CSGALNACT1: variants seen among roughly 807,000 people sequenced by gnomAD.
The protein encoded by CSGALNACT1 is beta4GalNAcT-1.
In CSGALNACT1, 52 loss-of-function variants were observed where a neutral mutation model predicts 51.0. That is an observed-to-expected ratio of 1.02 (90% confidence interval 0.82 to 1.29). The LOEUF is 1.29. CSGALNACT1 is among the 50% of genes most tolerant of loss of function. CSGALNACT1 has a pLI of 0.00. For missense variants in CSGALNACT1, 935 were observed against 679.2 expected (o/e 1.38, Z -4.19); for synonymous variants, 341 against 254.4 (o/e 1.34, Z -3.24).
intron 1 of CSGALNACT1, among the ~76,000 whole-genome samples, chr8:19,628,170 T>C (rs1165221891): frequency 1.3e-5 from 2 of 152,222 alleles, no homozygotes; most frequent in Non-Finnish European, 2.9e-5. Context: ...CTCACACTGC[T>C]ATAAAGATAC....
chr8:19,706,413 G>C (rs1271691792), intron 1 of CSGALNACT1, among the ~76,000 whole-genome samples: 1 of 152,174 alleles, frequency 6.6e-6, no homozygotes, highest in Admixed American at 6.5e-5. Flanking sequence ...AAACCTAAGA[G>C]AGCAGTGGAG....
At chr8:19,468,280 C>A (rs2067190800) in intron 4 of CSGALNACT1, among the ~76,000 whole-genome samples, 1 of 152,148 alleles carries the variant, frequency 6.6e-6, no homozygotes, top group Admixed American at 6.5e-5. Context: ...GTAAGAAAAA[C>A]CAGCTTGTTA....
intron 4 of CSGALNACT1, among the ~76,000 whole-genome samples, chr8:19,494,065 AC>A (rs1222056010): frequency 6.6e-6 from 1 of 152,238 alleles, no homozygotes; most frequent in African/African-American, 2.4e-5. Context: ...AAAATGGTCA[AC>A]AAACCATTGA....
intron 1 of CSGALNACT1, among the ~76,000 whole-genome samples, chr8:19,712,409 G>C (rs997007525): frequency 1.9e-4 from 29 of 152,164 alleles, no homozygotes; most frequent in African/African-American, 7.0e-4. Flanking sequence ...GAAGTACCTA[G>C]AGATTTTAGC....
intron 4 of CSGALNACT1, among the ~76,000 whole-genome samples, chr8:19,497,287 A>G (rs978539111): frequency 1.3e-5 from 2 of 152,210 alleles, no homozygotes; most frequent in Non-Finnish European, 2.9e-5. Context: ...CCTTCTCTGA[A>G]ATACAGAGCA....
intron 3 of CSGALNACT1, among the ~76,000 whole-genome samples, chr8:19,567,675 A>T (rs1431507503): frequency 2.0e-5 from 3 of 152,252 alleles, no homozygotes; most frequent in Non-Finnish European, 4.4e-5. Context: ...GAATTAGAAA[A>T]GACAAAATTA....
chr8:19,405,572 G>A, exon 10 of CSGALNACT1: 1 of 712,750 alleles, frequency 1.4e-6, no homozygotes, highest in Non-Finnish European at 2.5e-6. Context: ...ACTTCACAGG[G>A]TGCAACTGGG....
chr8:19,428,884 CTGTG>C (rs1490286698), intron 6 of CSGALNACT1, among the ~76,000 whole-genome samples: 5 of 141,030 alleles, frequency 3.5e-5, no homozygotes, highest in Non-Finnish European at 4.6e-5. Context: ...TGTATGCATG[CTGTG>C]TATTTATATG....
chr8:19,510,942 T>C (rs1247457465), intron 3 of CSGALNACT1, among the ~76,000 whole-genome samples: 1 of 152,230 alleles, frequency 6.6e-6, no homozygotes, highest in Non-Finnish European at 1.5e-5. Context: ...TGCTCTCAGT[T>C]TGAGTGTAAG....
At chr8:19,446,991 G>GT (rs1705424198) in intron 5 of CSGALNACT1, among the ~76,000 whole-genome samples, 1 of 152,194 alleles carries the variant, frequency 6.6e-6, no homozygotes, top group Non-Finnish European at 1.5e-5. Flanking sequence ...CACAAAACAT[G>GT]TATCACAGTC....
intron 3 of CSGALNACT1, among the ~76,000 whole-genome samples, chr8:19,536,220 T>A (rs1041740220): frequency 6.6e-6 from 1 of 152,180 alleles, no homozygotes; most frequent in Non-Finnish European, 1.5e-5. Context: ...ATTTAACAAA[T>A]ATATCACTCT....
chr8:19,725,170 G>A (rs142988777), intron 1 of CSGALNACT1, among the ~76,000 whole-genome samples: 16 of 152,310 alleles, frequency 1.1e-4, no homozygotes, highest in African/African-American at 1.4e-4. Flanking sequence ...ATGGATAACT[G>A]TCCATTTTCA....
chr8:19,619,738 C>T (rs1202046381), intron 1 of CSGALNACT1, among the ~76,000 whole-genome samples: 1 of 152,140 alleles, frequency 6.6e-6, no homozygotes, highest in Non-Finnish European at 1.5e-5. Context: ...ACAAAACAGT[C>T]CTGTCCTCAG....
At chr8:19,679,794 G>C (rs2060463392) in intron 1 of CSGALNACT1, among the ~76,000 whole-genome samples, 1 of 152,170 alleles carries the variant, frequency 6.6e-6, no homozygotes, top group Non-Finnish European at 1.5e-5. Flanking sequence ...GGGTGGAAGA[G>C]GAAGCCAGAG....
At chr8:19,680,113 A>T (rs2060486410) in intron 1 of CSGALNACT1, among the ~76,000 whole-genome samples, 1 of 152,134 alleles carries the variant, frequency 6.6e-6, no homozygotes, top group East Asian at 1.9e-4. Context: ...TTCTATGTCA[A>T]CCTCCAAAAG....
intron 1 of CSGALNACT1, among the ~76,000 whole-genome samples, chr8:19,662,020 T>A (rs1589343263): frequency 7.8e-6 from 1 of 127,462 alleles, no homozygotes; most frequent in Non-Finnish European, 1.6e-5. Context: ...TTTTTAACCA[T>A]CCCTACCAGC....
chr8:19,411,857 G>C (rs1178565420), intron 8 of CSGALNACT1, among the ~76,000 whole-genome samples: 1 of 145,150 alleles, frequency 6.9e-6, no homozygotes, highest in Non-Finnish European at 1.5e-5. Flanking sequence ...TTTTGACGGA[G>C]TCTTGCTGTG....
At chr8:19,449,963 C>A (rs760075599) in intron 5 of CSGALNACT1, among the ~76,000 whole-genome samples, 38 of 150,342 alleles carry the variant, frequency 2.5e-4, no homozygotes, top group Admixed American at 9.3e-4. Context: ...AATGAAGTAA[C>A]CGGCTGGCTT....
At chr8:19,481,851 T>C (rs1000281531) in intron 4 of CSGALNACT1, among the ~76,000 whole-genome samples, 3 of 152,302 alleles carry the variant, frequency 2.0e-5, no homozygotes, top group Non-Finnish European at 2.9e-5. Flanking sequence ...CTAAAACTTA[T>C]GGAGATACAG....
Sources: allele counts gnomAD v4.1 joint callset (sites outside exome capture counted in the v4.1 genomes callset), GRCh38; gene constraint gnomAD v4.1.1; transcripts MANE v1.5; gene names NCBI Gene and HGNC (gene_info 2026-07-23, HGNC 2026-07-21).